DPP6: variants seen among roughly 807,000 people sequenced by gnomAD.
DPP6 encodes the protein dipeptidyl peptidase like 6.
DPP6 carries 69 observed loss-of-function variants against 122.6 expected under a neutral mutation model. The ratio of observed to expected loss-of-function variants is 0.56; its 90% CI spans 0.46 to 0.69. The LOEUF is 0.69. Ranked by LOEUF, DPP6 falls within the 30% of genes least tolerant of loss-of-function variation. The pLI, the probability that DPP6 is intolerant of heterozygous loss-of-function variation, is 0.00. For missense variants in DPP6, 928 were observed against 1,116.9 expected, an observed-to-expected ratio of 0.83 and a Z score of 2.41; for synonymous variants, 418 against 433.1, an observed-to-expected ratio of 0.97 and a Z score of 0.43.
chr7:153,806,191 T>C, the DPP6 span, among the ~76,000 whole-genome samples: 1 of 151,596 alleles, frequency 6.6e-6, no homozygotes, highest in Non-Finnish European at 1.5e-5. Context: ...CTCCTGTCCA[T>C]TCAGCCAGAG....
chr7:153,763,835 T>C, the DPP6 span, among the ~76,000 whole-genome samples: 1 of 152,200 alleles, frequency 6.6e-6, no homozygotes, highest in African/African-American at 2.4e-5. Flanking sequence ...TTATTTGAGC[T>C]ACTTTGTATA....
intron 1 of DPP6, among the ~76,000 whole-genome samples, chr7:153,918,332 C>T (rs549949886): frequency 1.3e-5 from 2 of 152,052 alleles, no homozygotes; most frequent in South Asian, 2.1e-4. Context: ...TGTTTATAGA[C>T]CTTTTTCAGT....
Position 154,624,274 on chromosome 7 carries a change from C to T in DPP6, c.628-13547C>T, listed in dbSNP as rs1484999034. 6.6e-6 allele frequency among the ~76,000 whole-genome samples: 1 copy of T among 150,742 alleles called. No individual in the cohort carries two copies. Among genetic ancestry groups the T allele is most frequent in the Admixed American group, 6.6e-5 (1 of 15,154 alleles). On this transcript the variant is annotated intron_variant, in intron 5 of 25. Transcript: ENST00000377770. The surrounding 1 kb of genome is among the most constrained non-coding windows in gnomAD (Gnocchi z 4.7). Reference sequence around the variant, plus strand: ...CCCGGGAGGCAGAGGTTGCAGTGAGCCAAGATCACGTCACTGCACTCCAGC... The same window carrying T: ...CCCGGGAGGCAGAGGTTGCAGTGAGTCAAGATCACGTCACTGCACTCCAGC...
In DPP6 at chr7:153,948,975, A is replaced by C. The variant is rs530380878; in HGVS notation, c.51+61241A>C. Among the ~76,000 whole-genome samples the C allele has an allele frequency of 5.3e-5, 8 of 152,270 alleles. No individual in the cohort carries two copies. In the South Asian group the frequency reaches 1.7e-3, roughly 32 times the overall value. On this transcript the variant is annotated intron_variant, in intron 1 of 25. Transcript: ENST00000404039. The stretch of plus-strand genomic sequence containing the variant: ...TGGTCTCTACTCTTTAAAAGCTCAC[A>C]GTTAATTTTGCTGTATTTTTAAGAG...
At chr7:154,449,048 A>G (rs1820129684) in intron 2 of DPP6, among the ~76,000 whole-genome samples, 1 of 152,254 alleles carries the variant, frequency 6.6e-6, no homozygotes, top group South Asian at 2.1e-4. Flanking sequence ...AGTGCAAGCA[A>G]TCAAATAAAA....
chr7:153,994,999 A>G (rs573811065), intron 1 of DPP6, among the ~76,000 whole-genome samples: 93 of 152,352 alleles, frequency 6.1e-4, no homozygotes, highest in Non-Finnish European at 1.2e-3. Flanking sequence ...AGAAACTTCA[A>G]AAGTACAATG....
intron 1 of DPP6, among the ~76,000 whole-genome samples, chr7:154,326,417 C>A (rs904815379): frequency 5.9e-5 from 9 of 152,084 alleles, no homozygotes; most frequent in Non-Finnish European, 1.3e-4. Context: ...TCTATATATA[C>A]TGTCACAAAA....
chr7:154,791,121 A>G (rs539406699), intron 10 of DPP6, among the ~76,000 whole-genome samples: 1 of 152,232 alleles, frequency 6.6e-6, no homozygotes, highest in East Asian at 1.9e-4. Context: ...GCATGGTGGC[A>G]GACATCTGTA....
At chr7:154,103,686 C>T (rs1013037892) in intron 1 of DPP6, among the ~76,000 whole-genome samples, 11 of 152,242 alleles carry the variant, frequency 7.2e-5, no homozygotes, top group African/African-American at 2.2e-4. Flanking sequence ...ACCATCCCAT[C>T]GGCTGCCAGT....
chr7:154,887,774 C>G, intron 23 of DPP6, 40 bp downstream of exon 23: 2 of 1,609,896 alleles, frequency 1.2e-6, no homozygotes, highest in Non-Finnish European at 1.7e-6. Context: ...TGAGACCAGT[C>G]AGCCTCTGCC....
intron 7 of DPP6, among the ~76,000 whole-genome samples, chr7:154,716,748 T>C (rs572420160): frequency 6.6e-6 from 1 of 151,944 alleles, no homozygotes; most frequent in African/African-American, 2.4e-5. Context: ...ATGCCATTTT[T>C]AAAATTTTAT....
the DPP6 span, among the ~76,000 whole-genome samples, chr7:153,849,148 C>T: frequency 8.5e-5 from 13 of 152,250 alleles, no homozygotes; most frequent in Admixed American, 2.6e-4. Flanking sequence ...ATATGGGGGA[C>T]GTATCCAAAA....
chr7:154,108,705 G>A (rs559648704), intron 1 of DPP6, among the ~76,000 whole-genome samples: 16 of 152,208 alleles, frequency 1.1e-4, no homozygotes, highest in Non-Finnish European at 2.1e-4. Context: ...AGGTGGAAAC[G>A]TGGAGGCAAC....
At chr7:154,031,334 C>T (rs1799217792) in intron 1 of DPP6, among the ~76,000 whole-genome samples, 1 of 149,218 alleles carries the variant, frequency 6.7e-6, no homozygotes, top group African/African-American at 2.5e-5. Context: ...ATCTCAGACT[C>T]TAAAGCAAGG....
At chr7:154,804,863 G>A (rs1384068756) in intron 14 of DPP6, 54 bp from the exon 15 acceptor site, 3 of 1,567,646 alleles carry the variant, frequency 1.9e-6, no homozygotes, top group African/African-American at 2.7e-5. Context: ...GGAATGTGAA[G>A]TGCAGACGTG....
At chr7:154,364,625 A>G (rs1343524306) in intron 1 of DPP6, among the ~76,000 whole-genome samples, 2 of 152,218 alleles carry the variant, frequency 1.3e-5, no homozygotes, top group African/African-American at 4.8e-5. Context: ...GCAGTACCTT[A>G]GTCACAGCCA....
the DPP6 span, among the ~76,000 whole-genome samples, chr7:153,833,929 A>T: frequency 6.6e-6 from 1 of 152,154 alleles, no homozygotes. Flanking sequence ...CATGCCTCAC[A>T]TTGTCTTAAA....
intron 16 of DPP6, among the ~76,000 whole-genome samples, chr7:154,846,620 T>C (rs574666424): frequency 6.6e-6 from 1 of 152,354 alleles, no homozygotes. Flanking sequence ...TAACGACAGA[T>C]GCAGTCTTAC....
chr7:153,920,561 C>CTT (rs1489811189), intron 1 of DPP6, among the ~76,000 whole-genome samples: 3 of 62,458 alleles, frequency 4.8e-5, no homozygotes, highest in African/African-American at 1.5e-4. Context: ...TTTTATCTCT[C>CTT]TCTTTTTTTT....
Sources: allele counts gnomAD v4.1 joint callset (sites outside exome capture counted in the v4.1 genomes callset), GRCh38; gene constraint gnomAD v4.1.1; non-coding constraint Gnocchi (gnomAD v3.1); transcripts MANE v1.5; gene names NCBI Gene and HGNC (gene_info 2026-07-23, HGNC 2026-07-21).